SSH1: variants seen among roughly 807,000 people sequenced by gnomAD.
The protein encoded by SSH1 is slingshot protein phosphatase 1.
In SSH1, 43 loss-of-function variants were observed where a neutral mutation model predicts 79.7. The ratio of observed to expected loss-of-function variants is 0.54; its 90% CI spans 0.42 to 0.70. The LOEUF is 0.70. Among genes scored for constraint, SSH1 ranks in the 30% least tolerant of loss-of-function variants. SSH1 has a pLI of 0.00. For synonymous variants in SSH1, 599 were observed against 538.3 expected (o/e 1.11, Z -1.56); for missense variants, 1,206 against 1,358.8 (o/e 0.89, Z 1.77).
At chr12:108,835,652 C>A (rs1487751909) in intron 2 of SSH1, among the ~76,000 whole-genome samples, 1 of 150,914 alleles carries the variant, frequency 6.6e-6, no homozygotes, top group Non-Finnish European at 1.5e-5. Context: ...ACCTAAAAAC[C>A]ATTTGGCGGG....
At chr12:108,853,428 C>A in intron 1 of SSH1, 1 of 877,160 alleles carries the variant, frequency 1.1e-6, no homozygotes, top group Non-Finnish European at 1.4e-6. Flanking sequence ...TGGGACTTGG[C>A]ATGTTTTTTA....
At chr12:108,805,300 TTC>T in intron 9 of SSH1, 116 bp from the exon 10 acceptor site, 2 of 1,191,028 alleles carry the variant, frequency 1.7e-6, no homozygotes, top group Non-Finnish European at 2.4e-6. Flanking sequence ...TGGGTGTTTT[TTC>T]TCTTTCAGAG....
chr12:108,810,159 A>T (rs2037506867), intron 6 of SSH1, among the ~76,000 whole-genome samples: 1 of 151,802 alleles, frequency 6.6e-6, no homozygotes, highest in African/African-American at 2.4e-5. Flanking sequence ...GAAAATAATC[A>T]ATATATAAAA....
Position 108,792,759 on chromosome 12 carries a change from C to T in SSH1, c.1420G>A (p.Ala474Thr). ...SSLQQPVDDPAGPGDFLPETP... is the reference protein window; with the variant it reads ...SSLQQPVDDPTGPGDFLPETP... ...TCTGGCAAGAAGTCGCCAGGTCCTGCAGGGTCATCCACAGGCTGCTGGAGG... is the reference window on the plus strand; with the variant it reads ...TCTGGCAAGAAGTCGCCAGGTCCTGTAGGGTCATCCACAGGCTGCTGGAGG... The change falls in exon 14 of 15, where the codon GCA becomes ACA. Residue 474 changes from alanine to threonine, a missense_variant. Coordinates refer to ENST00000326495, the MANE Select transcript of SSH1 (RefSeq NM_018984.4). The T allele has an allele frequency of 6.2e-7, 1 of 1,613,960 alleles. No individual in the cohort carries two copies. Among genetic ancestry groups the T allele is most frequent in the South Asian group, 1.1e-5 (1 of 91,086 alleles).
At chr12:108,845,612 G>A (rs372062858) in intron 2 of SSH1, among the ~76,000 whole-genome samples, 8 of 152,174 alleles carry the variant, frequency 5.3e-5, no homozygotes, top group South Asian at 2.1e-4. Flanking sequence ...GCTTGAACCC[G>A]GGAGGCGGAG....
chr12:108,857,559 G>T lies in SSH1; in HGVS notation c.-63C>A. 1.0e-6 allele frequency: 1 copy of T among 974,132 alleles called. No individual in the cohort carries two copies. Among genetic ancestry groups the T allele is most frequent in the Non-Finnish European group, 1.2e-6 (1 of 813,626 alleles). The allele number at this position is 974,132 out of a possible 1,614,324, so 60.3% of individuals were successfully genotyped here. A position where few individuals can be genotyped will look rare whatever the true frequency, so the allele number is the denominator to read the frequency against. On this transcript the variant is annotated 5_prime_UTR_variant, in exon 1 of 15. Transcript: ENST00000326495. This position sits in a 1 kb window ranked among gnomAD's most constrained non-coding sequence, Gnocchi z 4.7. Reference sequence around the variant, plus strand: ...AGCTAGAGCCGCCACCGCCACCGCCGCCCGGGCCGGGCCCGGGGCCTCCTG... The same window carrying T: ...AGCTAGAGCCGCCACCGCCACCGCCTCCCGGGCCGGGCCCGGGGCCTCCTG...
chr12:108,832,612 T>C (rs1368993433), intron 2 of SSH1, among the ~76,000 whole-genome samples: 1 of 152,112 alleles, frequency 6.6e-6, no homozygotes, highest in Non-Finnish European at 1.5e-5. Context: ...AATTCACCAT[T>C]TGGAGAGAGA....
At position 108,824,716 on chromosome 12, in the gene SSH1, C is replaced by T. The variant is rs1265782892; in HGVS notation, c.111-1355G>A. ...GAAGGATCATTTGAGCCCAGGAGTT[C>T]GAGACCAGCCTGGGCAACGTTGTGA... On this transcript the variant is annotated intron_variant, in intron 2 of 14. Coordinates refer to ENST00000326495, the MANE Select transcript of SSH1 (RefSeq NM_018984.4). Among the ~76,000 whole-genome samples, 7 of 152,034 alleles carry T rather than the reference C, an allele frequency of 4.6e-5. No individual in the cohort carries two copies. In the South Asian group the frequency reaches 8.3e-4, roughly 18 times the overall value.
rs746094872 is a variant in SSH1 at position 108,811,353 on chromosome 12, T to C, written c.402-25A>G. The C allele has an allele frequency of 3.1e-6, 5 of 1,612,706 alleles. No individual in the cohort carries two copies. In the African/African-American group the frequency reaches 6.7e-5, roughly 22 times the overall value. On this transcript the variant is annotated intron_variant, in intron 5 of 14. Transcript: ENST00000326495. ...ACTGCGATGGGGGAGAGAAGACATG[T>C]GGAGTCAGCGTCTACCCACCTACGT...
chr12:108,827,625 C>T, intron 2 of SSH1: 1 of 1,138,870 alleles, frequency 8.8e-7, no homozygotes, highest in South Asian at 4.4e-5. Flanking sequence ...AATCACTGCA[C>T]TCCTACGGGC....
intron 2 of SSH1, among the ~76,000 whole-genome samples, chr12:108,833,534 C>CT (rs1466748137): frequency 6.6e-6 from 1 of 152,214 alleles, no homozygotes; most frequent in Non-Finnish European, 1.5e-5. Flanking sequence ...CGAGTCCTAA[C>CT]TTTGTCAGAG....
Position 108,802,367 on chromosome 12 carries a change from C to A in SSH1, c.956G>T (p.Gly319Val). The A allele has an allele frequency of 1.2e-6, 2 of 1,614,028 alleles. No individual in the cohort carries two copies. Among genetic ancestry groups the A allele is most frequent in the South Asian group, 2.2e-5 (2 of 91,076 alleles). ...CAGATTGGATGCATTCCATTCAGAG[C>A]CCTGGGAGACAGATCACACAAGCTC... is the stretch of plus-strand genomic sequence containing the variant. ...PSLIFDHLYL[G>V]SEWNASNLEE... Residue 319 changes from glycine to valine, a missense_variant and splice_region_variant, in exon 11 of 15, where the codon GGC becomes GTC. Physicochemically the swap from Gly to Val is moderately radical, Grantham distance 109. This residue lies in a region of SSH1 where 166 missense variants were observed against 262.9 expected (regional missense o/e 0.63). Coordinates refer to ENST00000326495, the MANE Select transcript of SSH1 (RefSeq NM_018984.4).
At chr12:108,794,257 C>T (rs1192409011) in intron 13 of SSH1, among the ~76,000 whole-genome samples, 2 of 152,230 alleles carry the variant, frequency 1.3e-5, no homozygotes, top group African/African-American at 2.4e-5. Flanking sequence ...AAGTGCCGCC[C>T]AGGCTCTGGG....
chr12:108,789,259 A>G lies in SSH1; in HGVS notation c.1894-15T>C. The G allele has an allele frequency of 6.3e-7, 1 of 1,583,758 alleles. No homozygotes were observed. Among genetic ancestry groups the G allele is most frequent in the Non-Finnish European group, 8.6e-7 (1 of 1,164,026 alleles). On this transcript the variant is annotated splice_polypyrimidine_tract_variant and intron_variant, in intron 14 of 14. Coordinates refer to ENST00000326495, the MANE Select transcript of SSH1 (RefSeq NM_018984.4). ...ATAGCATCATCCTGCAAGGAAGGGG[A>G]CAAGAGCATGGTGAGACGGTGCAGT...
intron 3 of SSH1, 49 bp from the exon 4 acceptor site, chr12:108,818,362 AG>A: frequency 1.3e-6 from 2 of 1,566,054 alleles, no homozygotes; most frequent in Non-Finnish European, 1.8e-6. Context: ...CCTACTCTCT[AG>A]GAAAAAAAAC....
chr12:108,812,519 C>A (rs2037665197), intron 5 of SSH1, among the ~76,000 whole-genome samples: 1 of 152,208 alleles, frequency 6.6e-6, no homozygotes, highest in Non-Finnish European at 1.5e-5. Flanking sequence ...CAAGGCCAGG[C>A]CTAGGCCAGG....
chr12:108,792,078 C>CA, intron 14 of SSH1: 1 of 1,457,446 alleles, frequency 6.9e-7, no homozygotes, highest in Non-Finnish European at 9.1e-7. Context: ...ATAAGGTATG[C>CA]ACTACGTACC....
chr12:108,791,379 A>T (rs547512949), intron 14 of SSH1, among the ~76,000 whole-genome samples: 1 of 152,288 alleles, frequency 6.6e-6, no homozygotes, highest in South Asian at 2.1e-4. Context: ...AAATGCTGGG[A>T]TTACAGATGT....
At chr12:108,832,643 G>C (rs912117775) in intron 2 of SSH1, among the ~76,000 whole-genome samples, 2 of 152,160 alleles carry the variant, frequency 1.3e-5, no homozygotes, top group Admixed American at 6.5e-5. Flanking sequence ...ACTGCAGGTC[G>C]GATGGAAAAT....
Sources: gnomAD v4.1 joint callset for allele counts (sites outside exome capture counted in the v4.1 genomes callset) on GRCh38, gnomAD v4.1.1 for gene constraint, gnomAD v4.1.1 regional missense constraint, Gnocchi (gnomAD v3.1) non-coding constraint, MANE v1.5 for transcripts, NCBI Gene and HGNC (gene_info 2026-07-23, HGNC 2026-07-21) for gene names.